IL6R: variants seen among roughly 807,000 people sequenced by gnomAD.
The protein encoded by IL6R is interleukin 6 receptor.
Under a neutral mutation model 48.3 loss-of-function variants are expected in IL6R, and 38 were observed. The observed-to-expected ratio is 0.79, with a 90% CI of 0.61 to 1.03. IL6R has a LOEUF of 1.03. Ranked by LOEUF, IL6R falls within the 50% of genes least tolerant of loss-of-function variation. IL6R has a pLI of 0.00. For missense variants in IL6R, 534 were observed against 618.3 expected (o/e 0.86, Z 1.45); for synonymous variants, 264 against 256.2 (o/e 1.03, Z -0.29).
intron 3 of IL6R, among the ~76,000 whole-genome samples, chr1:154,431,436 C>T (rs1027877740): frequency 1.3e-5 from 2 of 152,038 alleles, no homozygotes. Flanking sequence ...GTGCTGAACC[C>T]TATATATAGT....
At chr1:154,434,004 G>A (rs990984002) in intron 3 of IL6R, among the ~76,000 whole-genome samples, 2 of 150,970 alleles carry the variant, frequency 1.3e-5, no homozygotes, top group African/African-American at 2.4e-5. Flanking sequence ...TAGAATTACA[G>A]GCGTGAGCCA....
intron 1 of IL6R, among the ~76,000 whole-genome samples, chr1:154,418,743 A>G (rs910576995): frequency 6.6e-6 from 1 of 152,092 alleles, no homozygotes; most frequent in East Asian, 1.9e-4. Context: ...TTGGAGTCCA[A>G]GGGGAGGCAG....
chr1:154,434,432 C>A, intron 3 of IL6R, 87 bp from the exon 4 acceptor site: 8 of 1,208,492 alleles, frequency 6.6e-6, no homozygotes, highest in Non-Finnish European at 9.4e-6. Context: ...GGGATTCAAA[C>A]CCCGGGATTC....
At chr1:154,459,717 G>A (rs1354737998) in intron 9 of IL6R, among the ~76,000 whole-genome samples, 1 of 151,766 alleles carries the variant, frequency 6.6e-6, no homozygotes, top group Admixed American at 6.6e-5. Context: ...CATCTTACAG[G>A]GGCCAATTCC....
At chr1:154,413,126 C>G (rs993091804) in intron 1 of IL6R, among the ~76,000 whole-genome samples, 5 of 151,892 alleles carry the variant, frequency 3.3e-5, no homozygotes, top group Admixed American at 6.6e-5. Flanking sequence ...CTCAGCCTCC[C>G]GAGTAGCTGG....
intron 1 of IL6R, among the ~76,000 whole-genome samples, chr1:154,419,491 G>C (rs1688528870): frequency 6.6e-6 from 1 of 152,190 alleles, no homozygotes; most frequent in Admixed American, 6.5e-5. Flanking sequence ...GCTGACAGGG[G>C]ACCTTTGTTT....
chr1:154,452,392 T>C (rs989118871), intron 8 of IL6R, among the ~76,000 whole-genome samples: 4 of 152,172 alleles, frequency 2.6e-5, no homozygotes, highest in Admixed American at 2.6e-4. Context: ...CCTCCACACA[T>C]GCTCTACCTC....
chr1:154,423,757 A>G (rs1345442165), intron 1 of IL6R, among the ~76,000 whole-genome samples: 2 of 152,220 alleles, frequency 1.3e-5, no homozygotes, highest in Non-Finnish European at 2.9e-5. Flanking sequence ...ATAGTGACTC[A>G]GTTTTAAAGA....
In IL6R at chr1:154,435,094, T is replaced by C; in HGVS notation, c.745T>C (p.Tyr249His). 6.2e-7 allele frequency: 1 copy of C among 1,614,182 alleles called. No individual in the cohort carries two copies. The highest frequency in any genetic ancestry group is 8.5e-7 in the Non-Finnish European group (1 of 1,179,996). The change falls in exon 5 of 10, where the codon TAC (tyrosine) becomes CAC (histidine). Residue 249 changes from tyrosine to histidine, a missense_variant. Physicochemically the swap from Tyr to His is moderately conservative, Grantham distance 83. Transcript: ENST00000368485. ...QDPHSWNSSFYRLRFELRYRA... is the reference protein window; with the variant it reads ...QDPHSWNSSFHRLRFELRYRA... ...CCCCCACTCCTGGAACTCATCTTTC[T>C]ACAGACTACGGTTTGAGCTCAGATA...
chr1:154,414,047 G>A (rs189551112), intron 1 of IL6R, among the ~76,000 whole-genome samples: 56 of 151,914 alleles, frequency 3.7e-4, no homozygotes, highest in African/African-American at 1.3e-3. Flanking sequence ...TTGTAGAGAC[G>A]GGATTTTGCC....
At chr1:154,418,747 G>C (rs1380958359) in intron 1 of IL6R, among the ~76,000 whole-genome samples, 2 of 152,144 alleles carry the variant, frequency 1.3e-5, no homozygotes, top group African/African-American at 4.8e-5. Flanking sequence ...AGTCCAAGGG[G>C]AGGCAGTTTT....
chr1:154,437,105 T>G (rs1689666770), intron 6 of IL6R, among the ~76,000 whole-genome samples: 1 of 152,206 alleles, frequency 6.6e-6, no homozygotes, highest in African/African-American at 2.4e-5. Flanking sequence ...TTGTTTTGTT[T>G]GTTTGTTTTG....
intron 1 of IL6R, among the ~76,000 whole-genome samples, chr1:154,428,004 A>G (rs1227372215): frequency 6.6e-6 from 1 of 152,200 alleles, no homozygotes; most frequent in Non-Finnish European, 1.5e-5. Flanking sequence ...GCTTGCTAAT[A>G]AATGGTTATG....
At chr1:154,422,781 T>A (rs1570939045) in intron 1 of IL6R, among the ~76,000 whole-genome samples, 1 of 152,346 alleles carries the variant, frequency 6.6e-6, no homozygotes, top group South Asian at 2.1e-4. Context: ...AAGGCCTGTG[T>A]CAGGCCGGGG....
rs374274690 is a variant in IL6R, at chr1:154,414,396, C to T, written c.85+8682C>T. On this transcript the variant is annotated intron_variant, in intron 1 of 9. Transcript: ENST00000368485. Reference sequence around the variant, plus strand: ...ATCATCTCCAGCTGCCGGGCATACTCGGTGACCTGTTTGGCCAGTTCTGTG... The same window carrying T: ...ATCATCTCCAGCTGCCGGGCATACTTGGTGACCTGTTTGGCCAGTTCTGTG... The T allele has an allele frequency of 4.2e-5, 60 of 1,420,732 alleles. 1 individual carries two copies. The East Asian group carries it at 8.3e-4, about 20-fold the overall frequency. 88.0% of individuals were successfully genotyped at this position (1,420,732 alleles called of 1,614,324 possible). A position where few individuals can be genotyped will look rare whatever the true frequency, so the allele number is the denominator to read the frequency against.
chr1:154,418,469 G>C (rs998809477), intron 1 of IL6R: 2 of 946,858 alleles, frequency 2.1e-6, no homozygotes, highest in Non-Finnish European at 2.5e-6. Flanking sequence ...GCAGGTACAA[G>C]AAGTACAAAT....
At chr1:154,415,216 C>T in intron 1 of IL6R, 1 of 648,192 alleles carries the variant, frequency 1.5e-6, no homozygotes, top group Non-Finnish European at 2.8e-6. Flanking sequence ...TTCACCTCCA[C>T]CCCCATTCCA....
chr1:154,425,377 A>G (rs901192879), intron 1 of IL6R, among the ~76,000 whole-genome samples: 1 of 152,210 alleles, frequency 6.6e-6, no homozygotes, highest in Non-Finnish European at 1.5e-5. Context: ...TGGCAAAACA[A>G]TGGGAATGAC....
chr1:154,437,788 A>G (rs1689717317), intron 6 of IL6R, among the ~76,000 whole-genome samples: 1 of 151,130 alleles, frequency 6.6e-6, no homozygotes, highest in East Asian at 1.9e-4. Context: ...ATATTGGCTC[A>G]CTGCAAGCTC....
Sources: allele counts gnomAD v4.1 joint callset (sites outside exome capture counted in the v4.1 genomes callset), GRCh38; gene constraint gnomAD v4.1.1; transcripts MANE v1.5; gene names NCBI Gene and HGNC (gene_info 2026-07-23, HGNC 2026-07-21).